MACROD2: variants seen among roughly 807,000 people sequenced by gnomAD.
The protein encoded by MACROD2 is mono-ADP ribosylhydrolase 2, also known as ADP-ribose glycohydrolase MACROD2.
In MACROD2, 36 loss-of-function variants were observed where a neutral mutation model predicts 70.4. That is an observed-to-expected ratio of 0.51 (90% CI 0.39 to 0.68). MACROD2 has a LOEUF of 0.68. Among genes scored for constraint, MACROD2 ranks in the 30% least tolerant of loss-of-function variants. MACROD2 has a pLI of 0.00. For synonymous variants in MACROD2, 172 were observed against 178.8 expected, an observed-to-expected ratio of 0.96 and a Z score of 0.30; for missense variants, 496 against 538.4, an observed-to-expected ratio of 0.92 and a Z score of 0.78.
intron 5 of MACROD2, among the ~76,000 whole-genome samples, chr20:14,761,909 G>C (rs998613939): frequency 2.0e-5 from 3 of 152,076 alleles, no homozygotes; most frequent in African/African-American, 4.8e-5. Context: ...TAAATACTTA[G>C]GCATTTTCTC....
chr20:14,690,294 G>A (rs1171683335), intron 5 of MACROD2, among the ~76,000 whole-genome samples: 1 of 152,068 alleles, frequency 6.6e-6, no homozygotes, highest in Non-Finnish European at 1.5e-5. Context: ...AGGCATCAAG[G>A]GGTAATATTG....
At chr20:15,260,964 A>T (rs1002538609) in intron 6 of MACROD2, among the ~76,000 whole-genome samples, 6 of 152,018 alleles carry the variant, frequency 3.9e-5, no homozygotes, top group Non-Finnish European at 8.8e-5. Context: ...ACTATGGGCC[A>T]TGAGGTTATT....
At chr20:14,396,283 A>T (rs1268018948) in intron 3 of MACROD2, among the ~76,000 whole-genome samples, 1 of 152,034 alleles carries the variant, frequency 6.6e-6, no homozygotes, top group Non-Finnish European at 1.5e-5. Flanking sequence ...GTTTTTCTCT[A>T]CTTGTTCTAT....
intron 8 of MACROD2, among the ~76,000 whole-genome samples, chr20:15,580,323 A>T (rs2048506208): frequency 1.3e-5 from 2 of 152,052 alleles, no homozygotes; most frequent in East Asian, 3.9e-4. Flanking sequence ...GGTGTCCGGG[A>T]TCCTATCTGC....
chr20:14,390,053 A>C (rs1319078540), intron 3 of MACROD2, among the ~76,000 whole-genome samples: 1 of 152,250 alleles, frequency 6.6e-6, no homozygotes, highest in African/African-American at 2.4e-5. Context: ...ACAAAGTCTT[A>C]GGATACAAAA....
chr20:15,220,704 G>A (rs540034719), intron 5 of MACROD2, among the ~76,000 whole-genome samples: 43 of 152,210 alleles, frequency 2.8e-4, no homozygotes, highest in African/African-American at 9.9e-4. Flanking sequence ...TTAAGGAAGC[G>A]AAATTCTTCA....
intron 5 of MACROD2, among the ~76,000 whole-genome samples, chr20:15,226,400 T>C (rs991463155): frequency 4.6e-5 from 7 of 152,196 alleles, no homozygotes; most frequent in Non-Finnish European, 8.8e-5. Context: ...ACTTTGAATT[T>C]AATACTTCTA....
chr20:14,768,068 T>G (rs941360714), intron 5 of MACROD2, among the ~76,000 whole-genome samples: 1 of 152,150 alleles, frequency 6.6e-6, no homozygotes, highest in Non-Finnish European at 1.5e-5. Context: ...TTCCAAGTCT[T>G]TGCTATTGTG....
At chr20:15,028,406 G>T (rs2075249814) in intron 5 of MACROD2, among the ~76,000 whole-genome samples, 1 of 152,208 alleles carries the variant, frequency 6.6e-6, no homozygotes, top group Non-Finnish European at 1.5e-5. Context: ...TACTGAATTA[G>T]CGAAGTCCAA....
At chr20:14,621,609 G>T (rs1053662112) in intron 4 of MACROD2, among the ~76,000 whole-genome samples, 3 of 152,070 alleles carry the variant, frequency 2.0e-5, no homozygotes, top group Non-Finnish European at 4.4e-5. Context: ...CTTTAAATCA[G>T]CTGAACCAGC....
intron 5 of MACROD2, among the ~76,000 whole-genome samples, chr20:15,162,923 A>G (rs924784941): frequency 7.2e-5 from 11 of 152,158 alleles, no homozygotes; most frequent in African/African-American, 2.7e-4. Context: ...ACATGACTGT[A>G]TAAAATAATA....
rs8116625 is a variant in MACROD2 at position 15,780,061 on chromosome 20, G to A, written c.646-82684G>A. Among the ~76,000 whole-genome samples, 947 of 152,012 alleles carry A rather than the reference G, an allele frequency of 6.2e-3. 11 individuals carry two copies. The highest frequency in any genetic ancestry group is 0.021 in the African/African-American group (889 of 41,470). On this transcript the variant is annotated intron_variant, in intron 8 of 17. Transcript: ENST00000684519. ...ATATTATTAAAAAAAACACACATCT[G>A]TCTTCTCAGGGAATTGCCTTCTGAA...
chr20:14,323,890 C>A (rs1269681993), intron 3 of MACROD2: 1 of 152,128 alleles, frequency 6.6e-6, no homozygotes, highest in East Asian at 1.9e-4. Flanking sequence ...GGCTTTGAAA[C>A]CATTTCTTAA....
At chr20:14,158,223 C>T (rs1004199796) in intron 3 of MACROD2, among the ~76,000 whole-genome samples, 1 of 152,030 alleles carries the variant, frequency 6.6e-6, no homozygotes, top group Non-Finnish European at 1.5e-5. Flanking sequence ...ATTTGTATGT[C>T]TTCTTTTGAG....
At chr20:15,490,829 G>T (rs1041820639) in intron 7 of MACROD2, among the ~76,000 whole-genome samples, 1 of 152,166 alleles carries the variant, frequency 6.6e-6, no homozygotes, top group African/African-American at 2.4e-5. Context: ...TAATGGGAGT[G>T]ATAGAAGCAA....
At chr20:15,829,945 G>A (rs531430801) in intron 8 of MACROD2, among the ~76,000 whole-genome samples, 139 of 152,308 alleles carry the variant, frequency 9.1e-4, no homozygotes, top group Non-Finnish European at 1.8e-3. Context: ...AAAAGACTTT[G>A]CAGACTCAAG....
intron 5 of MACROD2, among the ~76,000 whole-genome samples, chr20:15,190,906 G>A (rs1261732382): frequency 1.3e-5 from 2 of 152,166 alleles, no homozygotes; most frequent in Admixed American, 6.5e-5. Flanking sequence ...TTCAGAGTAT[G>A]CGGTCTGGAT....
chr20:15,645,348 A>G (rs186477861), intron 8 of MACROD2, among the ~76,000 whole-genome samples: 5 of 152,198 alleles, frequency 3.3e-5, no homozygotes, highest in African/African-American at 9.7e-5. Context: ...AACTGTTTAC[A>G]TACTGTGTCA....
intron 8 of MACROD2, among the ~76,000 whole-genome samples, chr20:15,612,162 G>T (rs2048978920): frequency 6.6e-6 from 1 of 152,060 alleles, no homozygotes; most frequent in Non-Finnish European, 1.5e-5. Context: ...ATTCCAAGAG[G>T]AGTTAGTCTT....
Sources: gnomAD v4.1 joint callset for allele counts (sites outside exome capture counted in the v4.1 genomes callset) on GRCh38, gnomAD v4.1.1 for gene constraint, MANE v1.5 for transcripts, NCBI Gene and HGNC (gene_info 2026-07-23, HGNC 2026-07-21) for gene names.